Variants in NTRK2 observed in about 807,000 individuals in gnomAD.
NTRK2 encodes the protein BDNF/NT-3 growth factors receptor.
In NTRK2, 13 loss-of-function variants were observed where a neutral mutation model predicts 94.5. That is an observed-to-expected ratio of 0.14 (90% confidence interval 0.09 to 0.22). The LOEUF (loss-of-function observed/expected upper bound fraction) is 0.22. Among genes scored for constraint, NTRK2 ranks in the 10% least tolerant of loss-of-function variants. NTRK2 has a pLI of 1.00. For synonymous variants in NTRK2, 372 were observed against 407.4 expected, an observed-to-expected ratio of 0.91 and a Z score of 1.05; for missense variants, 639 against 1,071.2, an observed-to-expected ratio of 0.60 and a Z score of 5.63.
chr9:84,857,104 T>TG (rs1019342780), intron 12 of NTRK2, among the ~76,000 whole-genome samples: 2 of 146,076 alleles, frequency 1.4e-5, no homozygotes, highest in African/African-American at 5.5e-5. Flanking sequence ...TTTGAAAAAG[T>TG]GTTTTTTTTT....
intron 15 of NTRK2, among the ~76,000 whole-genome samples, chr9:84,935,734 G>T (rs986608658): frequency 6.6e-6 from 1 of 152,108 alleles, no homozygotes; most frequent in Non-Finnish European, 1.5e-5. Flanking sequence ...TTTAATTCTT[G>T]CTTTTGCTAT....
intron 12 of NTRK2, among the ~76,000 whole-genome samples, chr9:84,782,883 C>T (rs909456102): frequency 1.3e-5 from 2 of 152,098 alleles, no homozygotes; most frequent in African/African-American, 2.4e-5. Context: ...CATCAAGTCA[C>T]GATGCTTAAT....
At chr9:85,001,078 T>G (rs889943673) in intron 17 of NTRK2, among the ~76,000 whole-genome samples, 4 of 152,196 alleles carry the variant, frequency 2.6e-5, no homozygotes, top group African/African-American at 9.7e-5. Flanking sequence ...TATGAAACAA[T>G]TGAGTCTAGT....
intron 16 of NTRK2, among the ~76,000 whole-genome samples, chr9:84,950,435 TCC>T (rs1399305106): frequency 6.6e-6 from 1 of 152,134 alleles, no homozygotes; most frequent in Non-Finnish European, 1.5e-5. Context: ...GAGTAAGAAG[TCC>T]CAGTAGTGAG....
chr9:84,910,540 A>G (rs1587904059), intron 14 of NTRK2, among the ~76,000 whole-genome samples: 1 of 152,208 alleles, frequency 6.6e-6, no homozygotes, highest in East Asian at 1.9e-4. Flanking sequence ...GAGTGATCTG[A>G]TCTTAGAAAT....
chr9:84,673,614 G>A (rs1362557571), intron 2 of NTRK2, among the ~76,000 whole-genome samples: 1 of 151,982 alleles, frequency 6.6e-6, no homozygotes, highest in African/African-American at 2.4e-5. Flanking sequence ...AAACCATCAT[G>A]CCCTTAGGGT....
chr9:84,860,165 A>T (rs2075264713), intron 12 of NTRK2, among the ~76,000 whole-genome samples: 1 of 152,198 alleles, frequency 6.6e-6, no homozygotes, highest in Non-Finnish European at 1.5e-5. Context: ...AGGGAAACAC[A>T]GTTACTGATT....
At chr9:84,958,563 C>T (rs2133020396) in intron 17 of NTRK2, among the ~76,000 whole-genome samples, 1 of 152,238 alleles carries the variant, frequency 6.6e-6, no homozygotes, top group East Asian at 1.9e-4. Flanking sequence ...AATTTCACCC[C>T]CGTGGCCACT....
chr9:84,979,520 T>G (rs192040089), intron 17 of NTRK2, among the ~76,000 whole-genome samples: 5 of 152,368 alleles, frequency 3.3e-5, no homozygotes, highest in Admixed American at 3.3e-4. Flanking sequence ...AGTGGTTTTT[T>G]GAGCTGGAAT....
intron 12 of NTRK2, chr9:84,814,346 C>T: frequency 9.4e-7 from 1 of 1,065,504 alleles, no homozygotes; most frequent in East Asian, 5.0e-5. Context: ...AGACAGAAAA[C>T]CAGTTTCACG....
chr9:84,723,451 A>C (rs2062213573), intron 6 of NTRK2, 122 bp from the exon 7 acceptor site: 2 of 1,110,230 alleles, frequency 1.8e-6, no homozygotes, highest in African/African-American at 3.1e-5. Context: ...AACAGAAATC[A>C]GTCTCAAAAA....
chr9:84,790,972 C>T (rs1489897458), intron 12 of NTRK2, among the ~76,000 whole-genome samples: 3 of 152,226 alleles, frequency 2.0e-5, no homozygotes, highest in African/African-American at 7.2e-5. Flanking sequence ...GGCATTGGCC[C>T]CGTGGGCTTG....
At chr9:84,777,091 C>T (rs2067123056) in intron 12 of NTRK2, among the ~76,000 whole-genome samples, 1 of 152,138 alleles carries the variant, frequency 6.6e-6, no homozygotes, top group South Asian at 2.1e-4. Flanking sequence ...TTGTTTCTAT[C>T]AGAAACTTTG....
chr9:84,961,905 G>T (rs754005519), intron 17 of NTRK2, among the ~76,000 whole-genome samples: 1 of 152,192 alleles, frequency 6.6e-6, no homozygotes, highest in Non-Finnish European at 1.5e-5. Context: ...GGAGGCCCTA[G>T]GCCAGGATAG....
intron 6 of NTRK2, among the ~76,000 whole-genome samples, chr9:84,712,086 C>G (rs1392434180): frequency 6.6e-6 from 1 of 152,208 alleles, no homozygotes; most frequent in African/African-American, 2.4e-5. Flanking sequence ...TTTTGGCCAG[C>G]TCCCAAATCC....
intron 12 of NTRK2, among the ~76,000 whole-genome samples, chr9:84,806,559 T>C (rs2071138971): frequency 6.6e-6 from 1 of 152,238 alleles, no homozygotes; most frequent in Non-Finnish European, 1.5e-5. Context: ...AAAGAGGGAC[T>C]GACAATTCCG....
chr9:84,690,262 C>G (rs1441815110), intron 2 of NTRK2, among the ~76,000 whole-genome samples: 1 of 152,168 alleles, frequency 6.6e-6, no homozygotes, highest in Non-Finnish European at 1.5e-5. Flanking sequence ...CCTCTCTTGA[C>G]ATTATGCTCA....
chr9:84,715,328 TGA>T (rs764798774), intron 6 of NTRK2, among the ~76,000 whole-genome samples: 5 of 152,222 alleles, frequency 3.3e-5, no homozygotes, highest in Non-Finnish European at 7.4e-5. Context: ...ATGGCATTTT[TGA>T]GAGAGTCTCA....
At chr9:84,832,587 GA>G (rs1173304653) in intron 12 of NTRK2, among the ~76,000 whole-genome samples, 3 of 152,214 alleles carry the variant, frequency 2.0e-5, no homozygotes, top group Non-Finnish European at 4.4e-5. Context: ...GTAATCACAT[GA>G]TGCAGCATCG....
Sources: allele counts gnomAD v4.1 joint callset (sites outside exome capture counted in the v4.1 genomes callset), GRCh38; gene constraint gnomAD v4.1.1; transcripts MANE v1.5; gene names NCBI Gene and HGNC (gene_info 2026-07-23, HGNC 2026-07-21).